Variants in GRIN2B observed in about 807,000 individuals in gnomAD.
GRIN2B encodes the protein glutamate ionotropic receptor NMDA type subunit 2B, also known as glutamate receptor ionotropic, NMDA 2B.
GRIN2B carries 5 observed loss-of-function variants against 114.5 expected under a neutral mutation model. That is an observed-to-expected ratio of 0.04 (90% CI 0.02 to 0.09). The LOEUF (loss-of-function observed/expected upper bound fraction) is 0.09, where lower values mean the gene tolerates loss of function less well. Among genes scored for constraint, GRIN2B ranks in the 10% least tolerant of loss-of-function variants. The pLI is 1.00. For synonymous variants in GRIN2B, 787 were observed against 745.1 expected, an observed-to-expected ratio of 1.06 and a Z score of -0.92; for missense variants, 1,108 against 1,943.5, an observed-to-expected ratio of 0.57 and a Z score of 8.08.
chr12:13,666,800 C>T (rs1003235953), intron 5 of GRIN2B, among the ~76,000 whole-genome samples: 7 of 152,080 alleles, frequency 4.6e-5, no homozygotes, highest in Admixed American at 2.6e-4. Context: ...ATAAGATCTT[C>T]GGGTGCTAGA....
chr12:13,734,573 G>A (rs993481428), intron 4 of GRIN2B, among the ~76,000 whole-genome samples: 1 of 152,098 alleles, frequency 6.6e-6, no homozygotes, highest in East Asian at 1.9e-4. Flanking sequence ...TGTACTCCAC[G>A]TGCACAAACC....
At chr12:13,933,658 G>T (rs576526715) in intron 2 of GRIN2B, among the ~76,000 whole-genome samples, 52 of 152,276 alleles carry the variant, frequency 3.4e-4, no homozygotes, top group South Asian at 2.3e-3. Context: ...ATGAGCATGT[G>T]GCCCTGCAGA....
intron 2 of GRIN2B, among the ~76,000 whole-genome samples, chr12:13,909,138 A>G (rs1326311712): frequency 2.0e-5 from 3 of 152,222 alleles, no homozygotes; most frequent in African/African-American, 7.2e-5. Flanking sequence ...CGGACAGCAC[A>G]AAGGGCAAAA....
chr12:13,877,116 A>G (rs939742942), intron 2 of GRIN2B, among the ~76,000 whole-genome samples: 2 of 152,292 alleles, frequency 1.3e-5, no homozygotes, highest in East Asian at 3.9e-4. Flanking sequence ...TGTATGTGTA[A>G]ATCAATGTTT....
chr12:13,905,732 G>A (rs1308647232), intron 2 of GRIN2B, among the ~76,000 whole-genome samples: 1 of 152,114 alleles, frequency 6.6e-6, no homozygotes, highest in East Asian at 1.9e-4. Flanking sequence ...CTGCTGGAGG[G>A]TTCTTCACCA....
At chr12:13,649,294 C>T (rs538324718) in intron 5 of GRIN2B, among the ~76,000 whole-genome samples, 7 of 151,998 alleles carry the variant, frequency 4.6e-5, no homozygotes, top group Non-Finnish European at 8.8e-5. Context: ...TTCTCTACTG[C>T]CTTATTTTCC....
At chr12:13,650,079 T>C (rs962114698) in intron 5 of GRIN2B, among the ~76,000 whole-genome samples, 1 of 152,068 alleles carries the variant, frequency 6.6e-6, no homozygotes, top group Admixed American at 6.6e-5. Context: ...CTGGAAGAGT[T>C]TGCCTTATGA....
intron 2 of GRIN2B, among the ~76,000 whole-genome samples, chr12:13,889,249 CCACCGT>C (rs1458511188): frequency 6.6e-6 from 1 of 152,144 alleles, no homozygotes; most frequent in African/African-American, 2.4e-5. Context: ...TCTTATGGGA[CCACCGT>C]CAAATATGTG....
intron 4 of GRIN2B, among the ~76,000 whole-genome samples, chr12:13,681,274 C>T (rs938836052): frequency 1.3e-5 from 2 of 152,154 alleles, no homozygotes; most frequent in Non-Finnish European, 2.9e-5. Context: ...ATCTTTTCAT[C>T]TTCAGATGAA....
rs1948392917 is a variant in GRIN2B at position 13,550,234 on chromosome 12, T to C, written c.*12549A>G. ...CAACTACTGTGATTTACTCAGAATG[T>C]ACCATAGGCTAAGTGTGGTGGAGCC... On this transcript the variant is annotated 3_prime_UTR_variant, in exon 14 of 14. Coordinates refer to ENST00000609686, the MANE Select transcript of GRIN2B (RefSeq NM_000834.5). The C allele has an allele frequency of 1.3e-5, 2 of 152,214 alleles. No individual in the cohort carries two copies. The highest frequency in any genetic ancestry group is 2.9e-5 in the Non-Finnish European group (2 of 68,032). The allele number at this position is 152,214 out of a possible 1,614,324, so 9.4% of individuals were successfully genotyped here.
rs556286665 is a variant in GRIN2B at position 13,686,772 on chromosome 12, T to A, written c.1011-10913A>T. 3.9e-5 allele frequency among the ~76,000 whole-genome samples: 6 copies of A among 152,222 alleles called. No homozygotes were observed. The East Asian group carries it at 1.2e-3, about 29-fold the overall frequency. ...ATCACAGCTGCAAAATCATCAATAA[T>A]CAAACAAGGTTGATATGATTTGGCT... On this transcript the variant is annotated intron_variant, in intron 4 of 13. Transcript: ENST00000609686.
chr12:13,924,280 A>T (rs1866878105), intron 2 of GRIN2B, among the ~76,000 whole-genome samples: 1 of 152,208 alleles, frequency 6.6e-6, no homozygotes, highest in Admixed American at 6.5e-5. Flanking sequence ...AAATGGGAAG[A>T]TAGAGGAGAG....
chr12:13,705,948 C>G (rs10492134), intron 4 of GRIN2B, among the ~76,000 whole-genome samples: 35,336 of 152,040 alleles, frequency 0.23, 5,330 homozygotes, highest in Non-Finnish European at 0.34. Flanking sequence ...CAGTAGACAA[C>G]ACAGGAGCAA....
chr12:13,593,110 G>A (rs910074136), intron 10 of GRIN2B, among the ~76,000 whole-genome samples: 10 of 152,196 alleles, frequency 6.6e-5, no homozygotes, highest in Middle Eastern at 3.4e-3. Context: ...TCATCAGAAC[G>A]GCCATTCTGT....
chr12:13,651,846 A>G (rs1949816373), intron 5 of GRIN2B, among the ~76,000 whole-genome samples: 1 of 152,132 alleles, frequency 6.6e-6, no homozygotes, highest in South Asian at 2.1e-4. Context: ...TGAAAAAGTC[A>G]TCTAACCTCT....
intron 5 of GRIN2B, among the ~76,000 whole-genome samples, chr12:13,631,154 C>T (rs547981368): frequency 2.0e-5 from 3 of 152,224 alleles, no homozygotes; most frequent in African/African-American, 4.8e-5. Context: ...TGGTTGGCAA[C>T]GCAGAGCCAA....
chr12:13,570,656 A>G (rs1309579491), intron 11 of GRIN2B, among the ~76,000 whole-genome samples: 1 of 139,904 alleles, frequency 7.1e-6, no homozygotes, highest in African/African-American at 2.4e-5. Flanking sequence ...AACATATAAG[A>G]ACTTCATTTT....
chr12:13,672,722 T>C (rs1216927109), intron 5 of GRIN2B, among the ~76,000 whole-genome samples: 1 of 152,052 alleles, frequency 6.6e-6, no homozygotes, highest in African/African-American at 2.4e-5. Context: ...AAATGTTCTA[T>C]TCTATTATCT....
At chr12:13,726,524 G>C (rs1226396683) in intron 4 of GRIN2B, among the ~76,000 whole-genome samples, 1 of 145,252 alleles carries the variant, frequency 6.9e-6, no homozygotes, top group Admixed American at 6.8e-5. Context: ...AAAAGAGCGA[G>C]ACTCTGTCAA....
Sources: gnomAD v4.1 joint callset for allele counts (sites outside exome capture counted in the v4.1 genomes callset) on GRCh38, gnomAD v4.1.1 for gene constraint, MANE v1.5 for transcripts, NCBI Gene and HGNC (gene_info 2026-07-23, HGNC 2026-07-21) for gene names.